The following CDC40 variants were observed in gnomAD, a reference collection of about 807,000 sequenced individuals.
CDC40 encodes pre-mRNA-processing factor 17.
In CDC40, 27 loss-of-function variants were observed where a neutral mutation model predicts 80.6. The ratio of observed to expected loss-of-function variants is 0.33; its 90% CI spans 0.25 to 0.46. CDC40 has a LOEUF of 0.46. Among genes scored for constraint, CDC40 ranks in the 20% least tolerant of loss-of-function variants. The pLI, the probability that CDC40 is intolerant of heterozygous loss-of-function variation, is 1.00. For synonymous variants in CDC40, 221 were observed against 232.6 expected (o/e 0.95, Z 0.45); for missense variants, 486 against 694.1 (o/e 0.70, Z 3.37).
chr6:110,219,925 T>C, intron 12 of CDC40, 56 bp downstream of exon 12: 1 of 1,563,638 alleles, frequency 6.4e-7, no homozygotes, highest in Non-Finnish European at 8.7e-7. Flanking sequence ...TTAAAAATTA[T>C]ATAGACAAAG....
intron 1 of CDC40, among the ~76,000 whole-genome samples, chr6:110,192,407 G>C (rs1222903560): frequency 6.6e-6 from 1 of 152,204 alleles, no homozygotes; most frequent in Non-Finnish European, 1.5e-5. Context: ...TGTAAGGGTG[G>C]AATTGTGATT....
chr6:110,228,242 G>A lies in CDC40; in HGVS notation c.1418-590G>A, dbSNP rs142791724. Among the ~76,000 whole-genome samples, 218 of 152,166 alleles carry A rather than the reference G, an allele frequency of 1.4e-3. 1 individual carries two copies. The highest frequency in any genetic ancestry group is 4.8e-3 in the African/African-American group (201 of 41,530). On this transcript the variant is annotated intron_variant, in intron 13 of 14. Transcript: ENST00000307731. ...CTTATGGGACCACTGTCATACGTGCGGTCCATCATTGACCAAAACATTGTT... is the reference window on the plus strand; with the variant it reads ...CTTATGGGACCACTGTCATACGTGCAGTCCATCATTGACCAAAACATTGTT...
In CDC40 at chr6:110,209,106, T is replaced by A; in HGVS notation, c.513T>A (p.Gly171=). 6.3e-7 allele frequency: 1 copy of A among 1,587,394 alleles called. No homozygotes were observed. The highest frequency in any genetic ancestry group is 8.6e-7 in the Non-Finnish European group (1 of 1,157,116). ...TAGGTTTAACTGTATTTGAAACTGGTCAGAAGAAAACAGAAAAGAGGAAAA... is the reference window on the plus strand; with the variant it reads ...TAGGTTTAACTGTATTTGAAACTGGACAGAAGAAAACAGAAAAGAGGAAAA... The part of the protein sequence containing the change: ...KNQGLTVFET[G]QKKTEKRKKF... The change falls in exon 5 of 15, where the codon GGT becomes GGA. Residue 171 remains glycine, a synonymous_variant. Transcript: ENST00000307731.
At chr6:110,226,396 A>G (rs1777860630) in intron 13 of CDC40, among the ~76,000 whole-genome samples, 153 bp downstream of exon 13, 1 of 152,210 alleles carries the variant, frequency 6.6e-6, no homozygotes, top group Admixed American at 6.5e-5. Context: ...AGAAAGAATT[A>G]CTGGTTTTCA....
intron 12 of CDC40, among the ~76,000 whole-genome samples, chr6:110,220,733 C>CCG (rs1554208750): frequency 1.1e-4 from 17 of 152,320 alleles, no homozygotes; most frequent in East Asian, 5.8e-4. Context: ...GCGTGAGCCA[C>CCG]TGCACCCAGC....
intron 12 of CDC40, among the ~76,000 whole-genome samples, chr6:110,221,760 T>C (rs1364360737): frequency 6.6e-6 from 1 of 152,172 alleles, no homozygotes; most frequent in Non-Finnish European, 1.5e-5. Context: ...ATTTAAATAA[T>C]TGAGCAATTA....
At position 110,211,992 on chromosome 6, in the gene CDC40, ATCTTGACATCATTGGAGTGTTATTAC is replaced by A. The variant is rs1208142127; in HGVS notation, c.728-140_728-115del. 21 of 638,070 alleles carry A rather than the reference ATCTTGACATCATTGGAGTGTTATTAC, an allele frequency of 3.3e-5. No homozygotes were observed. The African/African-American group carries it at 3.8e-4, about 12-fold the overall frequency. 39.5% of individuals were successfully genotyped at this position (638,070 alleles called of 1,614,324 possible). ...GCACTTAAATCTTAGCTGACTCATG[ATCTTGACATCATTGGAGTGTTATTAC>A]CTAAACCTTAATATGGAATGATATA... On this transcript the variant is annotated intron_variant, in intron 6 of 14. Transcript: ENST00000307731.
intron 3 of CDC40, among the ~76,000 whole-genome samples, chr6:110,207,255 C>G (rs1189444101): frequency 1.4e-5 from 2 of 144,204 alleles, no homozygotes; most frequent in Non-Finnish European, 3.0e-5. Context: ...GCGGAGGTTG[C>G]AGTGAGCCGA....
intron 3 of CDC40, among the ~76,000 whole-genome samples, chr6:110,201,944 T>C (rs1221660647): frequency 6.6e-6 from 1 of 152,244 alleles, no homozygotes; most frequent in Non-Finnish European, 1.5e-5. Flanking sequence ...CTCTTTGTTG[T>C]CGTACTAGGT....
chr6:110,203,460 T>A (rs181428870), intron 3 of CDC40, among the ~76,000 whole-genome samples: 2 of 152,324 alleles, frequency 1.3e-5, no homozygotes, highest in African/African-American at 4.8e-5. Context: ...ACCTTTCTTA[T>A]ACCTTGTAGT....
chr6:110,183,652 A>G (rs1462615012), intron 1 of CDC40, among the ~76,000 whole-genome samples: 1 of 152,222 alleles, frequency 6.6e-6, no homozygotes, highest in Admixed American at 6.5e-5. Flanking sequence ...AAATGATTGG[A>G]AAATTGGAAA....
rs1777917275 is a variant in CDC40 at position 110,230,179 on chromosome 6, T to C, written c.*48T>C. The C allele has an allele frequency of 8.9e-7, 1 of 1,124,356 alleles. No individual in the cohort carries two copies. Among genetic ancestry groups the C allele is most frequent in the Non-Finnish European group, 1.3e-6 (1 of 763,636 alleles). 69.6% of individuals were successfully genotyped at this position (1,124,356 alleles called of 1,614,324 possible). A position where few individuals can be genotyped will look rare whatever the true frequency, so the allele number is the denominator to read the frequency against. On this transcript the variant is annotated 3_prime_UTR_variant, in exon 15 of 15. Coordinates refer to ENST00000307731, the MANE Select transcript of CDC40 (RefSeq NM_015891.3). ...TGGGATCATTTTTGATCCATTGTCA[T>C]ATTTATATTTAATTATTAAATGTAT...
chr6:110,227,720 C>T (rs900530743), intron 13 of CDC40, among the ~76,000 whole-genome samples: 1 of 152,158 alleles, frequency 6.6e-6, no homozygotes, highest in Non-Finnish European at 1.5e-5. Flanking sequence ...CACAGCATAA[C>T]AACTAGGTAC....
At chr6:110,198,305 G>A (rs1412782314) in intron 2 of CDC40, among the ~76,000 whole-genome samples, 1 of 151,732 alleles carries the variant, frequency 6.6e-6, no homozygotes, top group Non-Finnish European at 1.5e-5. Context: ...AGACTCCTGA[G>A]TAGGTGTCTA....
intron 2 of CDC40, among the ~76,000 whole-genome samples, chr6:110,195,656 T>C (rs908914816): frequency 2.0e-5 from 3 of 152,178 alleles, no homozygotes; most frequent in Non-Finnish European, 4.4e-5. Flanking sequence ...CAAATGGTAG[T>C]CATCATTGTT....
At chr6:110,196,138 CAAGTCTT>C (rs1224614036) in intron 2 of CDC40, among the ~76,000 whole-genome samples, 1 of 152,022 alleles carries the variant, frequency 6.6e-6, no homozygotes, top group African/African-American at 2.4e-5. Flanking sequence ...GCAAGGAAAC[CAAGTCTT>C]AAGTTATACT....
intron 6 of CDC40, chr6:110,211,408 G>A (rs749320636): frequency 1.3e-5 from 2 of 152,118 alleles, no homozygotes; most frequent in Non-Finnish European, 2.9e-5. Flanking sequence ...CATTTACAGT[G>A]TTGCTTATTC....
intron 10 of CDC40, among the ~76,000 whole-genome samples, chr6:110,218,821 ATTTTTT>A (rs71865877): frequency 8.2e-5 from 11 of 134,134 alleles, no homozygotes; most frequent in African/African-American, 2.8e-4. Flanking sequence ...ATATTCAGTG[ATTTTTT>A]TTTTTTTTTT....
intron 7 of CDC40, 48 bp from the exon 8 acceptor site, chr6:110,213,038 C>A: frequency 8.1e-7 from 1 of 1,227,180 alleles, no homozygotes; most frequent in Non-Finnish European, 1.2e-6. Context: ...TTCATTTGAG[C>A]TGATCTTTTG....
Sources: allele counts gnomAD v4.1 joint callset (sites outside exome capture counted in the v4.1 genomes callset), GRCh38; gene constraint gnomAD v4.1.1; transcripts MANE v1.5; gene names NCBI Gene and HGNC (gene_info 2026-07-23, HGNC 2026-07-21).